ZMIZ1: variants seen among roughly 807,000 people sequenced by gnomAD.
ZMIZ1 encodes zinc finger MIZ domain-containing protein 1.
A neutral mutation model predicts 113.9 loss-of-function variants in ZMIZ1; 17 were observed. That is an observed-to-expected ratio of 0.15 (90% CI 0.10 to 0.22). ZMIZ1 has a LOEUF of 0.22. Among genes scored for constraint, ZMIZ1 ranks in the 10% least tolerant of loss-of-function variants. ZMIZ1 has a pLI of 1.00. For synonymous variants in ZMIZ1, 607 were observed against 603.1 expected, an observed-to-expected ratio of 1.01 and a Z score of -0.09; for missense variants, 1,059 against 1,477.8, an observed-to-expected ratio of 0.72 and a Z score of 4.65.
chr10:79,298,721 A>T (rs1017617341), intron 15 of ZMIZ1, 141 bp downstream of exon 15: 4 of 823,958 alleles, frequency 4.9e-6, no homozygotes, highest in African/African-American at 1.8e-5. Context: ...ACCCAGGGGC[A>T]CACTCAAGGC....
At chr10:79,264,546 C>G (rs1364235477) in intron 7 of ZMIZ1, among the ~76,000 whole-genome samples, 1 of 152,208 alleles carries the variant, frequency 6.6e-6, no homozygotes, top group East Asian at 1.9e-4. Flanking sequence ...TGCCCTGCCG[C>G]CAGCAAATTT....
chr10:79,299,298 T>C (rs35812756), intron 16 of ZMIZ1, 107 bp downstream of exon 16: 17,889 of 1,445,022 alleles, frequency 0.012, 419 homozygotes, highest in African/African-American at 0.097. Context: ...CAGCATCTTC[T>C]GACACCTTCA....
intron 3 of ZMIZ1, among the ~76,000 whole-genome samples, chr10:79,150,258 C>T (rs1845659334): frequency 6.6e-6 from 1 of 152,230 alleles, no homozygotes; most frequent in Non-Finnish European, 1.5e-5. Context: ...CTTTGCCCCA[C>T]CCCGTATTCT....
At chr10:79,303,649 G>A (rs1854486493) in intron 18 of ZMIZ1, among the ~76,000 whole-genome samples, 1 of 152,130 alleles carries the variant, frequency 6.6e-6, no homozygotes, top group Non-Finnish European at 1.5e-5. Context: ...AAGTGCAGGA[G>A]TGCCTGAGGG....
intron 12 of ZMIZ1, chr10:79,295,502 C>A (rs1853828169): frequency 6.6e-6 from 1 of 152,176 alleles, no homozygotes; most frequent in African/African-American, 2.4e-5. Flanking sequence ...GGGGTTGGGT[C>A]ATCTGGTCCC....
At chr10:79,174,096 G>T (rs1264082745) in intron 4 of ZMIZ1, among the ~76,000 whole-genome samples, 1 of 152,204 alleles carries the variant, frequency 6.6e-6, no homozygotes, top group Admixed American at 6.5e-5. Context: ...GGAGGGTGAG[G>T]TGCATCGTGG....
At chr10:79,263,888 G>A (rs908265911) in intron 7 of ZMIZ1, among the ~76,000 whole-genome samples, 3 of 152,174 alleles carry the variant, frequency 2.0e-5, no homozygotes, top group Non-Finnish European at 4.4e-5. Context: ...CTTATGCTGG[G>A]TGGGAGAGGA....
At chr10:79,250,878 A>T (rs1306583975) in intron 7 of ZMIZ1, among the ~76,000 whole-genome samples, 1 of 152,166 alleles carries the variant, frequency 6.6e-6, no homozygotes, top group East Asian at 1.9e-4. Context: ...CTTCTTGTCA[A>T]ACCCTAGGTC....
At chr10:79,077,603 T>A (rs1294976372) in intron 1 of ZMIZ1, among the ~76,000 whole-genome samples, 2 of 152,228 alleles carry the variant, frequency 1.3e-5, no homozygotes, top group Non-Finnish European at 2.9e-5. Context: ...GCCATAAATA[T>A]AATAGCCAGC....
At chr10:79,183,796 TAGTG>T (rs1441404094) in intron 4 of ZMIZ1, among the ~76,000 whole-genome samples, 1 of 152,062 alleles carries the variant, frequency 6.6e-6, no homozygotes. Flanking sequence ...GCAGAGGACA[TAGTG>T]AGTTCAGGAA....
intron 6 of ZMIZ1, among the ~76,000 whole-genome samples, chr10:79,213,323 A>G (rs1848596042): frequency 6.6e-6 from 1 of 152,144 alleles, no homozygotes; most frequent in African/African-American, 2.4e-5. Context: ...GGGGATAGGA[A>G]TGCATGAGGC....
chr10:79,140,907 C>T lies in ZMIZ1; in HGVS notation c.-131+1130C>T, dbSNP rs1330067051. On this transcript the variant is annotated intron_variant, in intron 3 of 24. Transcript: ENST00000334512. Reference sequence around the variant, plus strand: ...AAGCGATTCTCCCACCTCAGCCTCCCGTGTAGCTGGGACTACAGGCATGCA... The same window carrying T: ...AAGCGATTCTCCCACCTCAGCCTCCTGTGTAGCTGGGACTACAGGCATGCA... Among the ~76,000 whole-genome samples, 5 of 151,884 alleles carry T rather than the reference C, an allele frequency of 3.3e-5. No homozygotes were observed. In the East Asian group the frequency reaches 5.8e-4, roughly 18 times the overall value.
chr10:79,089,812 C>T (rs1385096826), intron 1 of ZMIZ1, among the ~76,000 whole-genome samples: 1 of 152,086 alleles, frequency 6.6e-6, no homozygotes, highest in African/African-American at 2.4e-5. Flanking sequence ...AGGCCACCTG[C>T]TCCCTTTTTA....
Position 79,296,322 on chromosome 10 carries a change from A to G in ZMIZ1, c.1231-149A>G. 1.1e-6 allele frequency: 1 copy of G among 882,990 alleles called. No individual in the cohort carries two copies. The highest frequency in any genetic ancestry group is 1.8e-6 in the Non-Finnish European group (1 of 550,400). 54.7% of individuals were successfully genotyped at this position (882,990 alleles called of 1,614,324 possible). ...AATGCCCCTGGATGTCAGGACGAGA[A>G]GGGGCCCAAAGCATTATCTGGTTTT... is the stretch of plus-strand genomic sequence containing the variant. On this transcript the variant is annotated intron_variant, in intron 12 of 24. Transcript: ENST00000334512. This position sits in a 1 kb window ranked among gnomAD's most constrained non-coding sequence, Gnocchi z 4.1.
chr10:79,092,993 C>CA, intron 1 of ZMIZ1, among the ~76,000 whole-genome samples: 1 of 152,022 alleles, frequency 6.6e-6, no homozygotes, highest in East Asian at 1.9e-4. Flanking sequence ...GCTGAGCTAC[C>CA]AGCCAGTAGG....
intron 4 of ZMIZ1, among the ~76,000 whole-genome samples, chr10:79,175,327 G>A (rs981098270): frequency 7.2e-5 from 11 of 152,190 alleles, no homozygotes; most frequent in East Asian, 1.9e-4. Context: ...TCTGCCTCTG[G>A]CTCTGGCTCT....
At chr10:79,281,148 C>T (rs140963322) in intron 8 of ZMIZ1, among the ~76,000 whole-genome samples, 35 of 152,314 alleles carry the variant, frequency 2.3e-4, no homozygotes, top group African/African-American at 6.5e-4. Flanking sequence ...ATCTGGATCT[C>T]GGCCAGCCCT....
chr10:79,237,958 C>T (rs1020869558), intron 7 of ZMIZ1, among the ~76,000 whole-genome samples: 1 of 152,216 alleles, frequency 6.6e-6, no homozygotes, highest in Non-Finnish European at 1.5e-5. Flanking sequence ...CCAGGCTCCT[C>T]CCTTCCCTCT....
intron 8 of ZMIZ1, among the ~76,000 whole-genome samples, chr10:79,284,876 G>A (rs767895246): frequency 1.3e-5 from 2 of 152,176 alleles, no homozygotes; most frequent in Non-Finnish European, 2.9e-5. Flanking sequence ...ACAAGCTAAA[G>A]CAGACGATTT....
Sources: gnomAD v4.1 joint callset for allele counts (sites outside exome capture counted in the v4.1 genomes callset) on GRCh38, gnomAD v4.1.1 for gene constraint, Gnocchi (gnomAD v3.1) non-coding constraint, MANE v1.5 for transcripts, NCBI Gene and HGNC (gene_info 2026-07-23, HGNC 2026-07-21) for gene names.